The following NKAIN2 variants were observed in gnomAD, a reference collection of about 807,000 sequenced individuals.
NKAIN2 encodes sodium/potassium transporting ATPase interacting 2.
A neutral mutation model predicts 32.6 loss-of-function variants in NKAIN2; 14 were observed. That is an observed-to-expected ratio of 0.43 (90% CI 0.28 to 0.67). NKAIN2 has a LOEUF of 0.67. Among genes scored for constraint, NKAIN2 ranks in the 30% least tolerant of loss-of-function variants. The probability of loss-of-function intolerance (pLI) is 0.17; values close to 1 mark genes in which losing one functional copy is unlikely to be tolerated. For synonymous variants in NKAIN2, 80 were observed against 87.2 expected, an observed-to-expected ratio of 0.92 and a Z score of 0.46; for missense variants, 198 against 258.3, an observed-to-expected ratio of 0.77 and a Z score of 1.60.
chr6:124,727,431 C>G (rs879564913), intron 4 of NKAIN2, among the ~76,000 whole-genome samples: 27 of 150,464 alleles, frequency 1.8e-4, no homozygotes, highest in African/African-American at 4.9e-4. Flanking sequence ...GAATTTTCAA[C>G]CCAGAATTTC....
intron 1 of NKAIN2, among the ~76,000 whole-genome samples, chr6:124,023,333 T>A (rs1357708742): frequency 1.3e-5 from 2 of 152,092 alleles, no homozygotes; most frequent in Non-Finnish European, 2.9e-5. Context: ...TCCTCTCTTA[T>A]CTGGCTCACT....
rs1445138342 is a variant in NKAIN2, at chr6:123,915,375, C to A, written c.54+111121C>A. ...TAGGACTTTTGTCTGCCCACTCCCC[C>A]ACAACAACCATTCCTGTCTCCCACT... On this transcript the variant is annotated intron_variant, in intron 1 of 6. Coordinates refer to ENST00000368417, the MANE Select transcript of NKAIN2 (RefSeq NM_001040214.3). Among the ~76,000 whole-genome samples, 28 of 152,254 alleles carry A rather than the reference C, an allele frequency of 1.8e-4. No individual in the cohort carries two copies. The East Asian group carries it at 4.8e-3, about 26-fold the overall frequency.
At chr6:123,838,020 A>G (rs758589615) in intron 1 of NKAIN2, among the ~76,000 whole-genome samples, 4 of 152,272 alleles carry the variant, frequency 2.6e-5, no homozygotes, top group South Asian at 2.1e-4. Flanking sequence ...TGCAGAAGAA[A>G]CAAGACTTTG....
chr6:124,736,174 G>C (rs1237490028), intron 4 of NKAIN2, among the ~76,000 whole-genome samples: 2 of 151,926 alleles, frequency 1.3e-5, no homozygotes, highest in Admixed American at 6.6e-5. Flanking sequence ...ATATTGAGTG[G>C]TCAGGATAGA....
intron 3 of NKAIN2, among the ~76,000 whole-genome samples, chr6:124,517,360 A>G (rs1461851155): frequency 5.3e-5 from 8 of 152,154 alleles, no homozygotes; most frequent in African/African-American, 1.9e-4. Flanking sequence ...TGATACAATA[A>G]CTGATGAGCT....
At chr6:124,596,666 GTGTGTGTGTGT>G (rs1562275987) in intron 3 of NKAIN2, among the ~76,000 whole-genome samples, 1,242 of 84,482 alleles carry the variant, frequency 0.015, 24 homozygotes, top group African/African-American at 0.053. Context: ...ACCATAGGGT[GTGTGTGTGTGT>G]GTGTGTGTGT....
At chr6:124,722,925 G>A (rs1203102128) in intron 4 of NKAIN2, among the ~76,000 whole-genome samples, 1 of 152,120 alleles carries the variant, frequency 6.6e-6, no homozygotes, top group East Asian at 1.9e-4. Context: ...AGTCTTTCAA[G>A]GTGTGGTTTG....
intron 3 of NKAIN2, among the ~76,000 whole-genome samples, chr6:124,589,191 G>A (rs549341249): frequency 1.3e-3 from 194 of 152,230 alleles, no homozygotes; most frequent in Non-Finnish European, 2.4e-3. Context: ...AATATAGGCC[G>A]TTTGGCAGAG....
At chr6:123,862,571 A>G (rs574044998) in intron 1 of NKAIN2, among the ~76,000 whole-genome samples, 7 of 152,274 alleles carry the variant, frequency 4.6e-5, no homozygotes, top group South Asian at 4.1e-4. Context: ...CAACTACAGT[A>G]TGGTCTCTCA....
chr6:124,245,332 C>G (rs1056422563), intron 1 of NKAIN2, among the ~76,000 whole-genome samples: 11 of 152,026 alleles, frequency 7.2e-5, no homozygotes, highest in Admixed American at 6.6e-5. Context: ...TTTAAAGAAT[C>G]CTACTCTGGG....
chr6:124,643,655 T>C lies in NKAIN2; in HGVS notation c.274-14531T>C, dbSNP rs535418479. Among the ~76,000 whole-genome samples the C allele has an allele frequency of 8.5e-5, 13 of 152,340 alleles. No homozygotes were observed. In the East Asian group the frequency reaches 2.1e-3, roughly 25 times the overall value. On this transcript the variant is annotated intron_variant, in intron 3 of 6. Transcript: ENST00000368417. ...TGATTTACATATGGTATAGGAATTA[T>C]TAATATTTGTGTAACTAACTTGATA...
intron 3 of NKAIN2, among the ~76,000 whole-genome samples, chr6:124,563,188 G>A (rs955560991): frequency 2.0e-5 from 3 of 152,060 alleles, no homozygotes; most frequent in African/African-American, 7.2e-5. Flanking sequence ...ACAGGCGTGA[G>A]CCACTGCGCC....
chr6:124,216,914 A>T (rs1019303770), intron 1 of NKAIN2, among the ~76,000 whole-genome samples: 1 of 152,172 alleles, frequency 6.6e-6, no homozygotes, highest in Non-Finnish European at 1.5e-5. Context: ...GGATAATTCA[A>T]TGTTTGCAGC....
chr6:124,367,092 T>C (rs534283121), intron 3 of NKAIN2, among the ~76,000 whole-genome samples: 2 of 152,286 alleles, frequency 1.3e-5, no homozygotes, highest in Admixed American at 6.5e-5. Context: ...ATCATCGTTA[T>C]GCAGGAGAAT....
chr6:123,970,837 G>T (rs559256233), intron 1 of NKAIN2, among the ~76,000 whole-genome samples: 4 of 151,886 alleles, frequency 2.6e-5, no homozygotes, highest in Admixed American at 6.6e-5. Flanking sequence ...AGCTGAGATC[G>T]CGCCACTGCA....
intron 1 of NKAIN2, among the ~76,000 whole-genome samples, chr6:123,817,616 C>G (rs188450531): frequency 5.9e-5 from 9 of 152,268 alleles, no homozygotes; most frequent in African/African-American, 1.9e-4. Flanking sequence ...GATGTCAACA[C>G]CAGCGCCCCT....
chr6:124,605,586 T>C (rs1782468202), intron 3 of NKAIN2, among the ~76,000 whole-genome samples: 1 of 151,994 alleles, frequency 6.6e-6, no homozygotes, highest in Non-Finnish European at 1.5e-5. Flanking sequence ...GAAGATGGAA[T>C]ACATAGAATT....
At chr6:124,748,422 C>G (rs986937029) in intron 4 of NKAIN2, among the ~76,000 whole-genome samples, 11 of 152,066 alleles carry the variant, frequency 7.2e-5, no homozygotes, top group South Asian at 2.1e-4. Flanking sequence ...CAGGAAAGCT[C>G]CCATGCTCTC....
chr6:124,632,582 T>C (rs1783612681), intron 3 of NKAIN2, among the ~76,000 whole-genome samples: 1 of 152,220 alleles, frequency 6.6e-6, no homozygotes, highest in African/African-American at 2.4e-5. Context: ...TAATGAGTAC[T>C]TTTCTTTGTT....
Sources: allele counts gnomAD v4.1 joint callset (sites outside exome capture counted in the v4.1 genomes callset), GRCh38; gene constraint gnomAD v4.1.1; transcripts MANE v1.5; gene names NCBI Gene and HGNC (gene_info 2026-07-23, HGNC 2026-07-21).